The following SPRED1 variants were observed in gnomAD, a reference collection of about 807,000 sequenced individuals.
The protein encoded by SPRED1 is sprouty-related, EVH1 domain-containing protein 1.
A neutral mutation model predicts 52.3 loss-of-function variants in SPRED1; 18 were observed. The observed-to-expected ratio is 0.34, with a 90% CI of 0.24 to 0.51. SPRED1 has a LOEUF of 0.51. Among genes scored for constraint, SPRED1 ranks in the 20% least tolerant of loss-of-function variants. SPRED1 has a pLI of 0.97. For missense variants in SPRED1, 485 were observed against 551.0 expected (o/e 0.88, Z 1.20); for synonymous variants, 155 against 179.7 (o/e 0.86, Z 1.10).
Position 38,351,514 on chromosome 15 carries a change from T to C in SPRED1, c.1185T>C (p.Thr395=). Residue 395 remains threonine (T), a synonymous_variant, in exon 7 of 7, where the codon ACT becomes ACC. Transcript: ENST00000299084. The part of the protein sequence containing the change: ...GDFSDPCSCD[T]SDDKFCLRWL... ...TTTCTGATCCCTGTTCGTGTGACAC[T>C]AGCGACGACAAGTTCTGCTTGCGAT... 3.1e-6 allele frequency: 5 copies of C among 1,614,172 alleles called. No homozygotes were observed. The highest frequency in any genetic ancestry group is 1.6e-4 in the Middle Eastern group (1 of 6,062).
At chr15:38,325,280 C>T (rs946979785) in intron 4 of SPRED1, among the ~76,000 whole-genome samples, 1 of 152,176 alleles carries the variant, frequency 6.6e-6, no homozygotes, top group Non-Finnish European at 1.5e-5. Context: ...AAATTACCTT[C>T]AGCCTGTGTG....
chr15:38,260,120 G>C (rs1000850429), intron 1 of SPRED1, among the ~76,000 whole-genome samples: 7 of 152,144 alleles, frequency 4.6e-5, no homozygotes, highest in Admixed American at 1.3e-4. Flanking sequence ...CTTTAACAAC[G>C]TACTACAAAT....
intron 5 of SPRED1, among the ~76,000 whole-genome samples, chr15:38,342,851 A>G (rs1176738220): frequency 6.6e-6 from 1 of 152,132 alleles, no homozygotes; most frequent in South Asian, 2.1e-4. Context: ...TAGCTCTTTA[A>G]ATATTGTTTG....
chr15:38,256,580 A>T (rs915187322), intron 1 of SPRED1, among the ~76,000 whole-genome samples: 48 of 152,142 alleles, frequency 3.2e-4, no homozygotes, highest in African/African-American at 1.1e-3. Flanking sequence ...TTCTAATAGC[A>T]AGTTGGGATT....
chr15:38,271,515 A>G (rs1321698384), intron 1 of SPRED1, among the ~76,000 whole-genome samples: 3 of 152,230 alleles, frequency 2.0e-5, no homozygotes, highest in Admixed American at 6.5e-5. Context: ...ATGTTAGAGA[A>G]AGGATAGAAA....
At chr15:38,266,690 C>T (rs1486633508) in intron 1 of SPRED1, among the ~76,000 whole-genome samples, 1 of 151,824 alleles carries the variant, frequency 6.6e-6, no homozygotes, top group Non-Finnish European at 1.5e-5. Flanking sequence ...TATTCTTCAA[C>T]TTTGTATTAT....
intron 1 of SPRED1, chr15:38,298,505 CTTAG>C (rs1895082822): frequency 3.1e-6 from 1 of 321,878 alleles, no homozygotes; most frequent in African/African-American, 2.3e-5. Context: ...TAGAGGACTA[CTTAG>C]TTAAAAAAAA....
intron 1 of SPRED1, among the ~76,000 whole-genome samples, chr15:38,290,719 C>A (rs1032331653): frequency 6.6e-6 from 1 of 152,162 alleles, no homozygotes; most frequent in Non-Finnish European, 1.5e-5. Context: ...CTCATAAACC[C>A]ATCAGATCTC....
At chr15:38,350,314 C>G (rs1888454774) in intron 6 of SPRED1, among the ~76,000 whole-genome samples, 1 of 152,094 alleles carries the variant, frequency 6.6e-6, no homozygotes, top group Non-Finnish European at 1.5e-5. Flanking sequence ...CCGTACATCC[C>G]TGGTGTCTTT....
chr15:38,304,338 A>G (rs530090254), intron 2 of SPRED1, among the ~76,000 whole-genome samples: 1 of 152,320 alleles, frequency 6.6e-6, no homozygotes, highest in Admixed American at 6.5e-5. Context: ...GTCCTCCACT[A>G]AAAACCAATT....
At chr15:38,291,917 T>G (rs1894931690) in intron 1 of SPRED1, among the ~76,000 whole-genome samples, 1 of 152,242 alleles carries the variant, frequency 6.6e-6, no homozygotes, top group Non-Finnish European at 1.5e-5. Context: ...CCTTTCTACT[T>G]AAGCAAATTT....
At chr15:38,273,761 A>G (rs1314848779) in intron 1 of SPRED1, among the ~76,000 whole-genome samples, 3 of 152,110 alleles carry the variant, frequency 2.0e-5, no homozygotes, top group South Asian at 4.1e-4. Context: ...AATCATGTAA[A>G]TGGCCCAAAC....
chr15:38,324,608 G>C (rs1420933876), intron 3 of SPRED1, among the ~76,000 whole-genome samples, 155 bp from the exon 4 acceptor site: 1 of 152,116 alleles, frequency 6.6e-6, no homozygotes, highest in Non-Finnish European at 1.5e-5. Context: ...TCTAACAGGG[G>C]CAAATGCAAG....
At chr15:38,264,515 G>A (rs900247037) in intron 1 of SPRED1, among the ~76,000 whole-genome samples, 3 of 152,124 alleles carry the variant, frequency 2.0e-5, no homozygotes, top group African/African-American at 7.2e-5. Context: ...GAAGATTAAA[G>A]TAGAAACAGG....
chr15:38,333,938 TC>T (rs1287534171), intron 4 of SPRED1, among the ~76,000 whole-genome samples: 2 of 152,232 alleles, frequency 1.3e-5, no homozygotes, highest in East Asian at 3.9e-4. Flanking sequence ...AGTTGCTTAA[TC>T]CCTTTGAATT....
At chr15:38,295,404 G>A (rs950629551) in intron 1 of SPRED1, among the ~76,000 whole-genome samples, 1 of 152,166 alleles carries the variant, frequency 6.6e-6, no homozygotes, top group Non-Finnish European at 1.5e-5. Context: ...ACTGAAAAGT[G>A]TAGCCAGTTT....
At chr15:38,274,691 A>G (rs746265162) in intron 1 of SPRED1, among the ~76,000 whole-genome samples, 4 of 152,250 alleles carry the variant, frequency 2.6e-5, no homozygotes, top group Non-Finnish European at 5.9e-5. Flanking sequence ...AGTTCAGGAT[A>G]TGATAAATGA....
At chr15:38,283,154 C>T (rs1894728823) in intron 1 of SPRED1, among the ~76,000 whole-genome samples, 1 of 152,120 alleles carries the variant, frequency 6.6e-6, no homozygotes, top group African/African-American at 2.4e-5. Context: ...ACAGTCATGA[C>T]AGAAGGCGAA....
In SPRED1 at chr15:38,351,816, T is replaced by A; in HGVS notation, c.*152T>A. ...GCAGAACTCATCAGTTCTTGGCGTT[T>A]CACGCCATGCCTAACTTTTCCCTTG... is the stretch of plus-strand genomic sequence containing the variant. On this transcript the variant is annotated 3_prime_UTR_variant, in exon 7 of 7. Coordinates refer to ENST00000299084, the MANE Select transcript of SPRED1 (RefSeq NM_152594.3). The A allele has an allele frequency of 1.0e-6, 1 of 955,332 alleles. No individual in the cohort carries two copies. The highest frequency in any genetic ancestry group is 1.6e-6 in the Non-Finnish European group (1 of 638,766). 59.2% of individuals were successfully genotyped at this position (955,332 alleles called of 1,614,324 possible).
Sources: allele counts gnomAD v4.1 joint callset (sites outside exome capture counted in the v4.1 genomes callset), GRCh38; gene constraint gnomAD v4.1.1; transcripts MANE v1.5; gene names NCBI Gene and HGNC (gene_info 2026-07-23, HGNC 2026-07-21).